Variants in NDUFAF2 observed in about 807,000 individuals in gnomAD.
NDUFAF2 encodes the protein NADH dehydrogenase [ubiquinone] 1 alpha subcomplex assembly factor 2.
A neutral mutation model predicts 22.8 loss-of-function variants in NDUFAF2; 13 were observed. The observed-to-expected ratio is 0.57, with a 90% CI of 0.37 to 0.91. The LOEUF is 0.91. NDUFAF2 is among the 40% of genes least tolerant of loss of function. NDUFAF2 has a pLI of 0.01. For missense variants in NDUFAF2, 162 were observed against 195.2 expected (o/e 0.83, Z 1.01); for synonymous variants, 53 against 64.2 (o/e 0.83, Z 0.84).
intron 3 of NDUFAF2, among the ~76,000 whole-genome samples, chr5:61,135,454 T>C (rs1419986773): frequency 2.0e-5 from 3 of 152,162 alleles, no homozygotes. Context: ...ATAGAAATAC[T>C]AACCAAAACA....
chr5:61,096,637 A>C (rs1752644348), intron 2 of NDUFAF2, among the ~76,000 whole-genome samples: 1 of 150,634 alleles, frequency 6.6e-6, no homozygotes, highest in Admixed American at 6.6e-5. Flanking sequence ...AGTTTTGGCT[A>C]GAAATTGGCC....
At chr5:61,033,921 G>T (rs1751761561) in intron 1 of NDUFAF2, among the ~76,000 whole-genome samples, 1 of 152,098 alleles carries the variant, frequency 6.6e-6, no homozygotes, top group Non-Finnish European at 1.5e-5. Flanking sequence ...ATTAATAGCT[G>T]ACGTTATTTT....
intron 3 of NDUFAF2, among the ~76,000 whole-genome samples, chr5:61,124,236 G>C (rs1328839132): frequency 3.3e-5 from 5 of 152,018 alleles, no homozygotes; most frequent in Non-Finnish European, 7.4e-5. Context: ...TATTTATAAA[G>C]TGCTGTTGTG....
At chr5:61,087,976 A>C (rs1319453720) in intron 2 of NDUFAF2, among the ~76,000 whole-genome samples, 1 of 152,086 alleles carries the variant, frequency 6.6e-6, no homozygotes, top group Non-Finnish European at 1.5e-5. Flanking sequence ...TAGGTTCTTT[A>C]GTTAAGGGTT....
At chr5:61,077,618 T>C (rs1490435324) in intron 2 of NDUFAF2, among the ~76,000 whole-genome samples, 1 of 152,200 alleles carries the variant, frequency 6.6e-6, no homozygotes, top group Non-Finnish European at 1.5e-5. Context: ...AATATTTTCT[T>C]TTGTTTTAAA....
At chr5:61,021,659 A>G (rs1220390499) in intron 1 of NDUFAF2, among the ~76,000 whole-genome samples, 1 of 152,150 alleles carries the variant, frequency 6.6e-6, no homozygotes, top group South Asian at 2.1e-4. Flanking sequence ...GATGTTATAC[A>G]TTCTGTTTCT....
chr5:60,980,309 A>G (rs1049107725), intron 1 of NDUFAF2, among the ~76,000 whole-genome samples: 3 of 152,188 alleles, frequency 2.0e-5, no homozygotes, highest in African/African-American at 7.2e-5. Flanking sequence ...AACAAACTAA[A>G]TAAAGCACCA....
intron 3 of NDUFAF2, among the ~76,000 whole-genome samples, chr5:61,108,061 T>C (rs1191523789): frequency 6.6e-6 from 1 of 150,412 alleles, no homozygotes; most frequent in Non-Finnish European, 1.5e-5. Flanking sequence ...TAGTATTCCA[T>C]GGTGTATATG....
At chr5:61,026,131 A>G (rs1380637259) in intron 1 of NDUFAF2, among the ~76,000 whole-genome samples, 1 of 152,150 alleles carries the variant, frequency 6.6e-6, no homozygotes, top group African/African-American at 2.4e-5. Flanking sequence ...AGAAATCCAC[A>G]GATTGTTTTG....
chr5:60,991,750 T>A (rs928354603), intron 1 of NDUFAF2, among the ~76,000 whole-genome samples: 3 of 152,192 alleles, frequency 2.0e-5, no homozygotes, highest in African/African-American at 7.2e-5. Flanking sequence ...TAAATAATGC[T>A]GCAATAAACA....
intron 1 of NDUFAF2, among the ~76,000 whole-genome samples, chr5:61,045,203 TTAATAAAATAAAATAAAGTTTTA>T (rs1459760811): frequency 5.1e-4 from 54 of 106,326 alleles, no homozygotes; most frequent in Non-Finnish European, 7.8e-4. Flanking sequence ...TTATTAAATT[TTAATAAAATAAAATAAAGTTTTA>T]TTAAATTTTA....
intron 3 of NDUFAF2, among the ~76,000 whole-genome samples, chr5:61,102,863 A>T (rs1333912192): frequency 6.9e-6 from 1 of 145,730 alleles, no homozygotes; most frequent in Admixed American, 6.8e-5. Flanking sequence ...TTTTAAGTAT[A>T]TGAAAATATA....
chr5:61,118,411 T>C (rs1220241135), intron 3 of NDUFAF2, among the ~76,000 whole-genome samples: 1 of 152,194 alleles, frequency 6.6e-6, no homozygotes, highest in East Asian at 1.9e-4. Flanking sequence ...TAGCTGTCCA[T>C]TTATCTATCT....
At chr5:60,990,660 C>T (rs1305868407) in intron 1 of NDUFAF2, among the ~76,000 whole-genome samples, 1 of 152,018 alleles carries the variant, frequency 6.6e-6, no homozygotes, top group Non-Finnish European at 1.5e-5. Flanking sequence ...TTCTATATAG[C>T]AAATTTTTAC....
intron 1 of NDUFAF2, among the ~76,000 whole-genome samples, chr5:61,064,143 A>G (rs1246642466): frequency 1.3e-5 from 2 of 152,148 alleles, no homozygotes; most frequent in Admixed American, 1.3e-4. Flanking sequence ...ATTGCAAGAA[A>G]CAAAGAAGGT....
chr5:61,095,173 G>A (rs1053269216), intron 2 of NDUFAF2, among the ~76,000 whole-genome samples: 1 of 152,286 alleles, frequency 6.6e-6, no homozygotes, highest in South Asian at 2.1e-4. Context: ...AGGGTGGCTG[G>A]AGGCCCCAGT....
intron 3 of NDUFAF2, among the ~76,000 whole-genome samples, chr5:61,150,971 G>A (rs1741229216): frequency 1.3e-5 from 2 of 152,130 alleles, no homozygotes; most frequent in South Asian, 2.1e-4. Flanking sequence ...CTCGCTTACT[G>A]TGGTGATTAA....
intron 1 of NDUFAF2, among the ~76,000 whole-genome samples, chr5:60,975,823 G>T (rs956326886): frequency 2.6e-5 from 4 of 152,156 alleles, no homozygotes; most frequent in Non-Finnish European, 1.5e-5. Flanking sequence ...CAAGAAGGGA[G>T]GGAGAATGTT....
At chr5:61,019,717 T>A (rs1243972335) in intron 1 of NDUFAF2, among the ~76,000 whole-genome samples, 1 of 152,122 alleles carries the variant, frequency 6.6e-6, no homozygotes, top group Admixed American at 6.6e-5. Flanking sequence ...GGAAAATACC[T>A]GGTTTTTAAA....
Sources: gnomAD v4.1 joint callset for allele counts (sites outside exome capture counted in the v4.1 genomes callset) on GRCh38, gnomAD v4.1.1 for gene constraint, MANE v1.5 for transcripts, NCBI Gene and HGNC (gene_info 2026-07-23, HGNC 2026-07-21) for gene names.